CAPSL: variants seen among roughly 807,000 people sequenced by gnomAD.
The protein encoded by CAPSL is calcyphosin-like protein.
Under a neutral mutation model 21.3 loss-of-function variants are expected in CAPSL, and 17 were observed. The observed-to-expected ratio is 0.80, with a 90% confidence interval of 0.55 to 1.20. The LOEUF (loss-of-function observed/expected upper bound fraction) is 1.20, where lower values mean the gene tolerates loss of function less well. CAPSL is among the 50% of genes most tolerant of loss of function. CAPSL has a pLI of 0.00. For synonymous variants in CAPSL, 102 were observed against 89.3 expected, an observed-to-expected ratio of 1.14 and a Z score of -0.80; for missense variants, 289 against 259.3, an observed-to-expected ratio of 1.11 and a Z score of -0.79.
chr5:35,931,416 A>G (rs1738819913), intron 1 of CAPSL, among the ~76,000 whole-genome samples: 1 of 147,332 alleles, frequency 6.8e-6, no homozygotes, highest in African/African-American at 2.5e-5. Context: ...TCAAGAACCC[A>G]TGTAACTGAC....
At chr5:35,908,348 A>G (rs1427397624) in intron 4 of CAPSL, among the ~76,000 whole-genome samples, 2 of 152,240 alleles carry the variant, frequency 1.3e-5, no homozygotes, top group African/African-American at 4.8e-5. Flanking sequence ...TAACATGCAG[A>G]TGACATCAAG....
chr5:35,934,595 C>T (rs569168578), intron 1 of CAPSL, among the ~76,000 whole-genome samples: 2 of 152,172 alleles, frequency 1.3e-5, no homozygotes, highest in African/African-American at 4.8e-5. Flanking sequence ...TTTATTTCCC[C>T]AGCTTCCTTT....
intron 1 of CAPSL, among the ~76,000 whole-genome samples, chr5:35,935,235 G>T (rs1199330237): frequency 1.3e-5 from 2 of 152,206 alleles, no homozygotes; most frequent in Non-Finnish European, 2.9e-5. Context: ...CAGCTATGAA[G>T]TTCCTGGAGC....
rs1174633919 is a variant in CAPSL, at chr5:35,909,949, A to G, written c.442T>C (p.Tyr148His). 2 of 1,613,798 alleles carry G rather than the reference A, an allele frequency of 1.2e-6. No homozygotes were observed. The highest frequency in any genetic ancestry group is 1.7e-6 in the Non-Finnish European group (2 of 1,179,926). Residue 148 changes from tyrosine (Y) to histidine (H), a missense_variant, in exon 4 of 5, where the codon TAC becomes CAC. Transcript: ENST00000651391. ...TCCTCACTCCATTCCCCATTCTGGT[A>G]CTTTGGGTGGTGTTTTGCATTATAT... ...EVYNAKHHPK[Y>H]QNGEWSEEQV...
At chr5:35,925,573 A>C (rs1738649570) in intron 1 of CAPSL, among the ~76,000 whole-genome samples, 1 of 152,094 alleles carries the variant, frequency 6.6e-6, no homozygotes, top group Non-Finnish European at 1.5e-5. Flanking sequence ...GAAACTGACC[A>C]GGCGGGCAGC....
chr5:35,923,037 C>G (rs922475858), intron 1 of CAPSL, among the ~76,000 whole-genome samples: 1 of 152,140 alleles, frequency 6.6e-6, no homozygotes, highest in African/African-American at 2.4e-5. Context: ...TTCTCTAAAC[C>G]CACCTCAGAG....
At chr5:35,937,652 C>T (rs1157359882) in intron 1 of CAPSL, among the ~76,000 whole-genome samples, 2 of 152,134 alleles carry the variant, frequency 1.3e-5, no homozygotes, top group Non-Finnish European at 2.9e-5. Flanking sequence ...TTTACTATCA[C>T]CATATCATCA....
At chr5:35,930,356 G>T (rs944734842) in intron 1 of CAPSL, among the ~76,000 whole-genome samples, 1 of 152,286 alleles carries the variant, frequency 6.6e-6, no homozygotes, top group Middle Eastern at 3.4e-3. Context: ...TTATTTTAAT[G>T]TTTGTGATAT....
At chr5:35,932,899 G>T (rs933926791) in intron 1 of CAPSL, among the ~76,000 whole-genome samples, 5 of 152,186 alleles carry the variant, frequency 3.3e-5, no homozygotes, top group Non-Finnish European at 5.9e-5. Flanking sequence ...TGCCCTCAGT[G>T]CAGGCAAACA....
At chr5:35,929,641 A>T (rs1043026292) in intron 1 of CAPSL, among the ~76,000 whole-genome samples, 3 of 152,182 alleles carry the variant, frequency 2.0e-5, no homozygotes, top group African/African-American at 7.2e-5. Context: ...GATGTTGCTT[A>T]AAACCGATAA....
intron 1 of CAPSL, among the ~76,000 whole-genome samples, chr5:35,934,712 A>G (rs2149935204): frequency 6.6e-6 from 1 of 152,260 alleles, no homozygotes; most frequent in African/African-American, 2.4e-5. Flanking sequence ...TTGCCCCTTT[A>G]AGGCTATGGG....
chr5:35,934,351 T>C (rs1738892157), intron 1 of CAPSL, among the ~76,000 whole-genome samples: 2 of 152,174 alleles, frequency 1.3e-5, no homozygotes, highest in South Asian at 4.1e-4. Context: ...CTTATTCAAT[T>C]ATAAGCCTCC....
intron 2 of CAPSL, among the ~76,000 whole-genome samples, chr5:35,919,492 T>A (rs559314665): frequency 1.3e-5 from 2 of 152,092 alleles, no homozygotes; most frequent in Non-Finnish European, 2.9e-5. Flanking sequence ...AGACTCAGGG[T>A]GGAAAGATGG....
chr5:35,929,081 G>A (rs955202910), intron 1 of CAPSL, among the ~76,000 whole-genome samples: 3 of 152,076 alleles, frequency 2.0e-5, no homozygotes, highest in Admixed American at 6.5e-5. Flanking sequence ...AGAAGAGGTA[G>A]TAAATACAGT....
intron 4 of CAPSL, among the ~76,000 whole-genome samples, chr5:35,908,733 C>T (rs1436097916): frequency 1.3e-5 from 2 of 152,144 alleles, no homozygotes; most frequent in African/African-American, 2.4e-5. Flanking sequence ...TGTAAACCTG[C>T]CTCCACAATC....
At chr5:35,917,192 C>T (rs901059586) in intron 2 of CAPSL, among the ~76,000 whole-genome samples, 6 of 152,052 alleles carry the variant, frequency 3.9e-5, no homozygotes, top group East Asian at 1.9e-4. Context: ...GTTAGAATGA[C>T]GATCATTAAA....
At chr5:35,915,640 G>C (rs1738358683) in intron 2 of CAPSL, among the ~76,000 whole-genome samples, 1 of 152,074 alleles carries the variant, frequency 6.6e-6, no homozygotes, top group Non-Finnish European at 1.5e-5. Flanking sequence ...TGCAGAAAAG[G>C]CCTTTGACAA....
intron 3 of CAPSL, 66 bp from the exon 4 acceptor site, chr5:35,910,141 T>A: frequency 7.6e-7 from 1 of 1,319,608 alleles, no homozygotes; most frequent in Non-Finnish European, 1.0e-6. Context: ...GTATCCTATG[T>A]GATAAAATAT....
At chr5:35,910,125 T>C (rs1348953057) in intron 3 of CAPSL, 50 bp from the exon 4 acceptor site, 1 of 1,460,524 alleles carries the variant, frequency 6.8e-7, no homozygotes, top group African/African-American at 1.4e-5. Context: ...CAAATGAGCT[T>C]TTTTGGTATC....
Sources: allele counts gnomAD v4.1 joint callset (sites outside exome capture counted in the v4.1 genomes callset), GRCh38; gene constraint gnomAD v4.1.1; transcripts MANE v1.5; gene names NCBI Gene and HGNC (gene_info 2026-07-23, HGNC 2026-07-21).